Variants in TTC9C observed in about 807,000 individuals in gnomAD.
TTC9C encodes the protein tetratricopeptide repeat protein 9C.
TTC9C carries 15 observed loss-of-function variants against 22.5 expected under a neutral mutation model. The observed-to-expected ratio is 0.67, with a 90% CI of 0.45 to 1.03. The LOEUF (loss-of-function observed/expected upper bound fraction) is 1.03, where lower values mean the gene tolerates loss of function less well. Ranked by LOEUF, TTC9C falls within the 50% of genes least tolerant of loss-of-function variation. The pLI, the probability that TTC9C is intolerant of heterozygous loss-of-function variation, is 0.00. For missense variants in TTC9C, 244 were observed against 214.6 expected (o/e 1.14, Z -0.86); for synonymous variants, 92 against 86.8 (o/e 1.06, Z -0.33).
In TTC9C at chr11:62,728,699, A is replaced by G. The variant is rs1223916085; in HGVS notation, c.-150A>G. 3 of 776,040 alleles carry G rather than the reference A, an allele frequency of 3.9e-6. No individual in the cohort carries two copies. In the South Asian group the frequency reaches 4.4e-5, roughly 11 times the overall value. The allele number at this position is 776,040 out of a possible 1,614,324, so 48.1% of individuals were successfully genotyped here. A position where few individuals can be genotyped will look rare whatever the true frequency, so the allele number is the denominator to read the frequency against. The stretch of plus-strand genomic sequence containing the variant: ...TGGGGCTTTCAGTAGAAACAAGCAA[A>G]CCGCAGGTCCCTGTGGGGGGACTCT... On this transcript the variant is annotated 5_prime_UTR_variant, in exon 1 of 3. Coordinates refer to ENST00000316461, the MANE Select transcript of TTC9C (RefSeq NM_173810.4).
At chr11:62,734,154 C>T (rs753316088) in intron 1 of TTC9C, among the ~76,000 whole-genome samples, 15 of 151,350 alleles carry the variant, frequency 9.9e-5, no homozygotes, top group Non-Finnish European at 2.1e-4. Flanking sequence ...AAAAATTAGC[C>T]GGGCATGGTG....
At chr11:62,730,901 T>A (rs1467651188) in intron 1 of TTC9C, among the ~76,000 whole-genome samples, 5 of 150,440 alleles carry the variant, frequency 3.3e-5, no homozygotes, top group African/African-American at 1.2e-4. Context: ...ATTTATTTTT[T>A]TTTTTGAGAC....
At position 62,738,415 on chromosome 11, in the gene TTC9C, A is replaced by G; in HGVS notation, c.*33A>G. On this transcript the variant is annotated 3_prime_UTR_variant, in exon 3 of 3. Coordinates refer to ENST00000316461, the MANE Select transcript of TTC9C (RefSeq NM_173810.4). Reference sequence around the variant, plus strand: ...GAAAGATGCTCCTCCAGTTGAACTTAGGTGGACCATTAAACATGCATGAAG... The same window carrying G: ...GAAAGATGCTCCTCCAGTTGAACTTGGGTGGACCATTAAACATGCATGAAG... The G allele has an allele frequency of 7.0e-7, 1 of 1,432,210 alleles. No individual in the cohort carries two copies. Among genetic ancestry groups the G allele is most frequent in the Non-Finnish European group, 9.8e-7 (1 of 1,022,104 alleles). 88.7% of individuals were successfully genotyped at this position (1,432,210 alleles called of 1,614,324 possible).
At position 62,738,530 on chromosome 11, in the gene TTC9C, TAGAC is replaced by T. The variant is rs1269002435; in HGVS notation, c.*151_*154del. 5.7e-5 allele frequency: 32 copies of T among 560,920 alleles called. No homozygotes were observed. Among genetic ancestry groups the T allele is most frequent in the Non-Finnish European group, 8.9e-5 (28 of 313,492 alleles). The allele number at this position is 560,920 out of a possible 1,614,324, so 34.7% of individuals were successfully genotyped here. A position where few individuals can be genotyped will look rare whatever the true frequency, so the allele number is the denominator to read the frequency against. On this transcript the variant is annotated 3_prime_UTR_variant, in exon 3 of 3. Coordinates refer to ENST00000316461, the MANE Select transcript of TTC9C (RefSeq NM_173810.4). ...CTAGTTCTGCACAAACTTCACTACT[TAGAC>T]AGTCTGAGTCTTTTTCTGTCTATCC...
intron 1 of TTC9C, chr11:62,733,234 AG>A: frequency 8.7e-7 from 1 of 1,147,190 alleles, no homozygotes; most frequent in South Asian, 1.4e-5. Context: ...GTCATCCAAG[AG>A]AATAGTGAAG....
intron 1 of TTC9C, 87 bp from the exon 2 acceptor site, chr11:62,735,295 C>A: frequency 6.6e-7 from 1 of 1,514,298 alleles, no homozygotes; most frequent in Non-Finnish European, 8.9e-7. Context: ...TTGTTACCAC[C>A]CTGTTCAGTA....
At chr11:62,736,655 G>A (rs1365876934) in intron 2 of TTC9C, among the ~76,000 whole-genome samples, 7 of 151,150 alleles carry the variant, frequency 4.6e-5, no homozygotes, top group African/African-American at 1.7e-4. Context: ...GATCCTGCCG[G>A]TGCATTCCAG....
rs747026472 is a variant in TTC9C at position 62,729,407 on chromosome 11, AT to A, written c.238+330del. On this transcript the variant is annotated intron_variant, in intron 1 of 2. Coordinates refer to ENST00000316461, the MANE Select transcript of TTC9C (RefSeq NM_173810.4). ...ATTTTATTTTATTTTATTTTATTTT[AT>A]TTTTTTTTGAGATGGAGTCTCGCTC... Among the ~76,000 whole-genome samples the A allele has an allele frequency of 2.0e-3, 168 of 82,008 alleles. 2 individuals are homozygous for A. Among genetic ancestry groups the A allele is most frequent in the African/African-American group, 4.7e-3 (120 of 25,308 alleles). The allele number at this position is 82,008 out of a possible 152,430, so 53.8% of individuals were successfully genotyped here. A position where few individuals can be genotyped will look rare whatever the true frequency, so the allele number is the denominator to read the frequency against.
Position 62,738,436 on chromosome 11 carries a change from T to C in TTC9C, c.*54T>C. On this transcript the variant is annotated 3_prime_UTR_variant, in exon 3 of 3. Transcript: ENST00000316461. The stretch of plus-strand genomic sequence containing the variant: ...ACTTAGGTGGACCATTAAACATGCA[T>C]GAAGGAGAAATCTGAGCCTCAGCAA... 2 of 1,263,380 alleles carry C rather than the reference T, an allele frequency of 1.6e-6. No homozygotes were observed. The highest frequency in any genetic ancestry group is 2.3e-6 in the Non-Finnish European group (2 of 877,336). 78.3% of individuals were successfully genotyped at this position (1,263,380 alleles called of 1,614,324 possible).
intron 1 of TTC9C, among the ~76,000 whole-genome samples, chr11:62,734,371 G>A (rs2083886976): frequency 6.6e-6 from 1 of 151,542 alleles, no homozygotes; most frequent in Admixed American, 6.6e-5. Flanking sequence ...AGGCCAAGGT[G>A]GACAGATCAC....
chr11:62,729,532 G>A (rs530373283), intron 1 of TTC9C, among the ~76,000 whole-genome samples: 48 of 151,116 alleles, frequency 3.2e-4, no homozygotes, highest in Non-Finnish European at 6.8e-4. Context: ...CCCAGTAGCC[G>A]GGATTACAGG....
rs773016283 is a variant in TTC9C, at chr11:62,728,829, A to G, written c.-20A>G. ...TTGCTCCTTCACTTCCCAGTTCCGCAAGAACCGTGGGCGACAGTTATGGAG... is the reference window on the plus strand; with the variant it reads ...TTGCTCCTTCACTTCCCAGTTCCGCGAGAACCGTGGGCGACAGTTATGGAG... On this transcript the variant is annotated 5_prime_UTR_variant, in exon 1 of 3. Transcript: ENST00000316461. 3 of 1,613,292 alleles carry G rather than the reference A, an allele frequency of 1.9e-6. No individual in the cohort carries two copies. The highest frequency in any genetic ancestry group is 2.5e-6 in the Non-Finnish European group (3 of 1,179,252).
intron 1 of TTC9C, among the ~76,000 whole-genome samples, chr11:62,734,053 C>T (rs1321088546): frequency 6.6e-6 from 1 of 151,494 alleles, no homozygotes; most frequent in East Asian, 1.9e-4. Flanking sequence ...AATCCCAGTA[C>T]ATTGGGAGGC....
Position 62,728,727 on chromosome 11 carries a change from A to G in TTC9C, c.-122A>G, listed in dbSNP as rs1324484759. ...GCAGGTCCCTGTGGGGGGACTCTCC[A>G]GGAAGAAGGGTAATTTCCTGCCTCC... On this transcript the variant is annotated 5_prime_UTR_variant, in exon 1 of 3. Coordinates refer to ENST00000316461, the MANE Select transcript of TTC9C (RefSeq NM_173810.4). The G allele has an allele frequency of 3.1e-6, 3 of 960,564 alleles. No individual in the cohort carries two copies. Among genetic ancestry groups the G allele is most frequent in the Admixed American group, 2.0e-5 (1 of 50,670 alleles). The allele number at this position is 960,564 out of a possible 1,614,324, so 59.5% of individuals were successfully genotyped here. A position where few individuals can be genotyped will look rare whatever the true frequency, so the allele number is the denominator to read the frequency against.
intron 1 of TTC9C, among the ~76,000 whole-genome samples, chr11:62,730,775 G>A (rs577098734): frequency 3.0e-4 from 46 of 151,890 alleles, no homozygotes; most frequent in African/African-American, 1.1e-3. Flanking sequence ...ATTTCTTCAT[G>A]TTGGTCAGAC....
In TTC9C at chr11:62,728,527, G is replaced by T; in HGVS notation, c.-322G>T. The stretch of plus-strand genomic sequence containing the variant: ...TCACGCCCGCAACAATTCCTGAGTA[G>T]GGCCTTGCTTGAGTTCTTCGGAAAG... On this transcript the variant is annotated 5_prime_UTR_variant, in exon 1 of 3. In the 5' UTR this introduces an upstream ATG that the reference lacks. Transcript: ENST00000316461. The T allele has an allele frequency of 2.0e-6, 1 of 499,660 alleles. No individual in the cohort carries two copies. Among genetic ancestry groups the T allele is most frequent in the Non-Finnish European group, 3.9e-6 (1 of 256,026 alleles). 31.0% of individuals were successfully genotyped at this position (499,660 alleles called of 1,614,324 possible). A position where few individuals can be genotyped will look rare whatever the true frequency, so the allele number is the denominator to read the frequency against.
In TTC9C at chr11:62,738,523, C is replaced by T. The variant is rs1258306955; in HGVS notation, c.*141C>T. 1 of 585,776 alleles carries T rather than the reference C, an allele frequency of 1.7e-6. No individual in the cohort carries two copies. Among genetic ancestry groups the T allele is most frequent in the African/African-American group, 1.9e-5 (1 of 53,612 alleles). 36.3% of individuals were successfully genotyped at this position (585,776 alleles called of 1,614,324 possible). A position where few individuals can be genotyped will look rare whatever the true frequency, so the allele number is the denominator to read the frequency against. Reference sequence around the variant, plus strand: ...TTTGTTTCTAGTTCTGCACAAACTTCACTACTTAGACAGTCTGAGTCTTTT... The same window carrying T: ...TTTGTTTCTAGTTCTGCACAAACTTTACTACTTAGACAGTCTGAGTCTTTT... On this transcript the variant is annotated 3_prime_UTR_variant, in exon 3 of 3. Coordinates refer to ENST00000316461, the MANE Select transcript of TTC9C (RefSeq NM_173810.4).
chr11:62,730,020 C>G (rs1445848138), intron 1 of TTC9C, among the ~76,000 whole-genome samples: 1 of 152,210 alleles, frequency 6.6e-6, no homozygotes, highest in Non-Finnish European at 1.5e-5. Context: ...ATTTCTTTAG[C>G]TGCTAGTTTA....
upstream of TTC9C, chr11:62,728,405 C>T (rs1197987109): frequency 7.4e-6 from 3 of 405,104 alleles, no homozygotes; most frequent in African/African-American, 4.2e-5. Flanking sequence ...TTGAAGCCCT[C>T]TGGAGTTTTA....
Sources: allele counts gnomAD v4.1 joint callset (sites outside exome capture counted in the v4.1 genomes callset), GRCh38; gene constraint gnomAD v4.1.1; transcripts MANE v1.5; gene names NCBI Gene and HGNC (gene_info 2026-07-23, HGNC 2026-07-21).